Variants in TRPM6 observed in about 807,000 individuals in gnomAD.
The protein encoded by TRPM6 is transient receptor potential cation channel subfamily M member 6.
In TRPM6, 111 loss-of-function variants were observed where a neutral mutation model predicts 247.6. The observed-to-expected ratio is 0.45, with a 90% CI of 0.38 to 0.52. The LOEUF (loss-of-function observed/expected upper bound fraction) is 0.52, where lower values mean the gene tolerates loss of function less well. TRPM6 is among the 20% of genes least tolerant of loss of function. The probability of loss-of-function intolerance (pLI) is 0.00; values close to 1 mark genes in which losing one functional copy is unlikely to be tolerated. For synonymous variants in TRPM6, 892 were observed against 853.8 expected (o/e 1.04, Z -0.78); for missense variants, 2,126 against 2,421.5 (o/e 0.88, Z 2.56).
At chr9:74,821,536 A>T in intron 8 of TRPM6, 133 bp downstream of exon 8, 1 of 1,063,556 alleles carries the variant, frequency 9.4e-7, no homozygotes, top group Non-Finnish European at 1.4e-6. Context: ...AAACACAGTC[A>T]CTGAGAAATG....
At chr9:74,882,791 C>T (rs1831404079) in intron 1 of TRPM6, among the ~76,000 whole-genome samples, 1 of 152,322 alleles carries the variant, frequency 6.6e-6, no homozygotes, top group African/African-American at 2.4e-5. Flanking sequence ...GATTCAACCA[C>T]CTATTCAAAG....
chr9:74,862,211 T>C (rs1198790014), intron 1 of TRPM6, among the ~76,000 whole-genome samples: 1 of 151,192 alleles, frequency 6.6e-6, no homozygotes, highest in Non-Finnish European at 1.5e-5. Flanking sequence ...TGCAATATAC[T>C]CTCCAGCACA....
intron 1 of TRPM6, among the ~76,000 whole-genome samples, chr9:74,864,585 C>T (rs1353126815): frequency 7.9e-5 from 12 of 152,186 alleles, no homozygotes; most frequent in Non-Finnish European, 1.8e-4. Context: ...ACAAAGTAAC[C>T]TTACACCTTC....
chr9:74,797,883 T>A (rs1828157059), intron 17 of TRPM6, among the ~76,000 whole-genome samples: 1 of 152,128 alleles, frequency 6.6e-6, no homozygotes, highest in South Asian at 2.1e-4. Flanking sequence ...GTTGATATTA[T>A]AAAATCAAGA....
intron 25 of TRPM6, among the ~76,000 whole-genome samples, chr9:74,771,201 C>T (rs1158752069): frequency 6.6e-6 from 1 of 152,208 alleles, no homozygotes; most frequent in Non-Finnish European, 1.5e-5. Context: ...CACTCAATGC[C>T]CTCAGAGCGA....
At position 74,762,355 on chromosome 9, in the gene TRPM6, G is replaced by C. The variant is rs112935687; in HGVS notation, c.4316C>G (p.Pro1439Arg). Reference sequence around the variant, plus strand: ...TTGCATGATCTTGGCTTGGGAAAGAGGGGAGCTCATTGTCATGGGTTCAGG... The same window carrying C: ...TTGCATGATCTTGGCTTGGGAAAGACGGGAGCTCATTGTCATGGGTTCAGG... Reference protein sequence around the residue: ...CTPEPMTMSSPLSQAKIMQTG... With the variant: ...CTPEPMTMSSRLSQAKIMQTG... The change falls in exon 26 of 39, where the codon CCT (proline) becomes CGT (arginine). Residue 1439 changes from proline (P) to arginine (R), a missense_variant. Physicochemically the swap from Pro to Arg is moderately radical, Grantham distance 103. Transcript: ENST00000360774. 28 of 1,614,230 alleles carry C rather than the reference G, an allele frequency of 1.7e-5. No individual in the cohort carries two copies. In the African/African-American group the frequency reaches 1.9e-4, roughly 11 times the overall value.
intron 4 of TRPM6, 44 bp downstream of exon 4, chr9:74,842,122 A>G (rs774650585): frequency 1.2e-6 from 2 of 1,611,896 alleles, no homozygotes; most frequent in African/African-American, 2.7e-5. Context: ...GAAAAAAAAA[A>G]AAAAAGAAAG....
At chr9:74,724,893 A>G (rs948669717) in intron 38 of TRPM6, 147 bp from the exon 39 acceptor site, 18 of 1,049,606 alleles carry the variant, frequency 1.7e-5, no homozygotes, top group Non-Finnish European at 2.2e-5. Context: ...ACCCTCAACC[A>G]TGTCTAGATT....
At chr9:74,855,490 TAA>T in intron 3 of TRPM6, 35 bp downstream of exon 3, 1 of 1,524,442 alleles carries the variant, frequency 6.6e-7, no homozygotes. Flanking sequence ...ATAGGGTGCC[TAA>T]AAGCTAAAAG....
At position 74,858,696 on chromosome 9, in the gene TRPM6, A is replaced by T. The variant is rs1259665757; in HGVS notation, c.86T>A (p.Ile29Asn). Reference sequence around the variant, plus strand: ...GTGAGGATTTTTTGAGCTGGGTATGATTGTGCTACATTCTCTCTTGTCAAA... The same window carrying T: ...GTGAGGATTTTTTGAGCTGGGTATGTTTGTGCTACATTCTCTCTTGTCAAA... Reference protein sequence around the residue: ...GVFDKRECSTIIPSSKNPHRC... With the variant: ...GVFDKRECSTNIPSSKNPHRC... Residue 29 changes from isoleucine (I) to asparagine (N), a missense_variant, in exon 2 of 39, where the codon ATC becomes AAC. Ile to Asn is a moderately radical substitution (Grantham distance 149, BLOSUM62 -3). Coordinates refer to ENST00000360774, the MANE Select transcript of TRPM6 (RefSeq NM_017662.5). The T allele has an allele frequency of 1.2e-6, 2 of 1,613,488 alleles. No homozygotes were observed. Among genetic ancestry groups the T allele is most frequent in the African/African-American group, 2.7e-5 (2 of 74,920 alleles).
At chr9:74,779,183 G>A (rs1240909743) in intron 23 of TRPM6, among the ~76,000 whole-genome samples, 1 of 152,126 alleles carries the variant, frequency 6.6e-6, no homozygotes, top group Non-Finnish European at 1.5e-5. Flanking sequence ...AGGTTGAGGT[G>A]GGAGGATTGC....
At position 74,755,394 on chromosome 9, in the gene TRPM6, T is replaced by C. The variant is rs1826400088; in HGVS notation, c.4865A>G (p.Tyr1622Cys). Residue 1622 changes from tyrosine (Y) to cysteine (C), a missense_variant, in exon 28 of 39, where the codon TAC becomes TGC. Around this residue, in one of 3 missense-constraint regions of TRPM6, gnomAD observed 717 missense variants for 715.9 expected, o/e 1.00. Coordinates refer to ENST00000360774, the MANE Select transcript of TRPM6 (RefSeq NM_017662.5). ...GGACACTGTGAACCAGTTCTTGCTG[T>C]ACTCCTCTTCAGAGATGCTGTTTTC... ...PGENSISEEEYSKNWFTVSKF... is the reference protein window; with the variant it reads ...PGENSISEEECSKNWFTVSKF... 2 of 1,614,034 alleles carry C rather than the reference T, an allele frequency of 1.2e-6. No individual in the cohort carries two copies. Among genetic ancestry groups the C allele is most frequent in the African/African-American group, 2.7e-5 (2 of 74,938 alleles).
intron 14 of TRPM6, among the ~76,000 whole-genome samples, chr9:74,807,791 T>A (rs1469143457): frequency 6.6e-6 from 1 of 152,222 alleles, no homozygotes; most frequent in Non-Finnish European, 1.5e-5. Context: ...TATATACTGT[T>A]TTGTATTATG....
intron 19 of TRPM6, among the ~76,000 whole-genome samples, chr9:74,791,476 G>A (rs1357429498): frequency 1.3e-5 from 2 of 152,056 alleles, no homozygotes; most frequent in Non-Finnish European, 2.9e-5. Flanking sequence ...CAGATCTCCT[G>A]AGGGCTGTGT....
chr9:74,725,788 A>G (rs1468637895), intron 38 of TRPM6, among the ~76,000 whole-genome samples: 1 of 152,240 alleles, frequency 6.6e-6, no homozygotes, highest in Admixed American at 6.5e-5. Flanking sequence ...TAAATTGCCC[A>G]GTCTCAGGTA....
intron 18 of TRPM6, among the ~76,000 whole-genome samples, chr9:74,795,795 T>C (rs1828076799): frequency 6.6e-6 from 1 of 152,232 alleles, no homozygotes; most frequent in Non-Finnish European, 1.5e-5. Context: ...CATGGCAAAG[T>C]TATTCTGCCT....
At chr9:74,850,320 C>A (rs971386678) in intron 3 of TRPM6, among the ~76,000 whole-genome samples, 1 of 151,934 alleles carries the variant, frequency 6.6e-6, no homozygotes. Context: ...TATAGTGAGG[C>A]GAGATTGGGC....
At chr9:74,783,882 T>C (rs916170660) in intron 21 of TRPM6, among the ~76,000 whole-genome samples, 2 of 152,156 alleles carry the variant, frequency 1.3e-5, no homozygotes, top group African/African-American at 4.8e-5. Flanking sequence ...CCAGTAAGTA[T>C]CCTAGAAGGA....
intron 5 of TRPM6, among the ~76,000 whole-genome samples, chr9:74,837,933 G>C (rs1228793981): frequency 6.6e-6 from 1 of 151,992 alleles, no homozygotes; most frequent in Non-Finnish European, 1.5e-5. Flanking sequence ...CAATTTTTTA[G>C]AGATAGGGTT....
Sources: allele counts gnomAD v4.1 joint callset (sites outside exome capture counted in the v4.1 genomes callset), GRCh38; gene constraint gnomAD v4.1.1; regional missense constraint gnomAD v4.1.1; transcripts MANE v1.5; gene names NCBI Gene and HGNC (gene_info 2026-07-23, HGNC 2026-07-21).